BCAT1: variants seen among roughly 807,000 people sequenced by gnomAD.
The protein encoded by BCAT1 is branched chain amino acid transaminase 1, also known as branched-chain-amino-acid aminotransferase, cytosolic.
A neutral mutation model predicts 52.4 loss-of-function variants in BCAT1; 48 were observed. The ratio of observed to expected loss-of-function variants is 0.92; its 90% CI spans 0.73 to 1.16. The LOEUF (loss-of-function observed/expected upper bound fraction) is 1.16, where lower values mean the gene tolerates loss of function less well. Among genes scored for constraint, BCAT1 ranks in the 50% most tolerant of loss-of-function variants. BCAT1 has a pLI of 0.00. For missense variants in BCAT1, 451 were observed against 457.1 expected (o/e 0.99, Z 0.12); for synonymous variants, 167 against 161.3 (o/e 1.04, Z -0.27).
chr12:24,906,684 G>A (rs1016585111), intron 1 of BCAT1, among the ~76,000 whole-genome samples: 12 of 152,104 alleles, frequency 7.9e-5, no homozygotes, highest in Non-Finnish European at 1.5e-4. Flanking sequence ...TTTGAAAAAC[G>A]GGACAGAGCA....
intron 5 of BCAT1, among the ~76,000 whole-genome samples, chr12:24,858,249 G>A (rs1941750499): frequency 6.6e-6 from 1 of 152,144 alleles, no homozygotes. Context: ...TTGTATGTGT[G>A]ATATGCATAG....
At chr12:24,842,592 G>C (rs1565457951) in intron 6 of BCAT1, among the ~76,000 whole-genome samples, 1 of 152,088 alleles carries the variant, frequency 6.6e-6, no homozygotes. Context: ...CCAATACTAT[G>C]AGATAGACAC....
intron 1 of BCAT1, among the ~76,000 whole-genome samples, chr12:24,938,485 C>T (rs926398859): frequency 7.2e-5 from 11 of 151,940 alleles, no homozygotes; most frequent in Admixed American, 6.6e-4. Flanking sequence ...GTGATGGGGA[C>T]AATGTGGAAA....
chr12:24,867,164 G>A lies in BCAT1; in HGVS notation c.510+11366C>T, dbSNP rs888843135. Among the ~76,000 whole-genome samples the A allele has an allele frequency of 4.0e-5, 6 of 151,656 alleles. No homozygotes were observed. In the South Asian group the frequency reaches 8.4e-4, roughly 21 times the overall value. On this transcript the variant is annotated intron_variant, in intron 5 of 10. Transcript: ENST00000261192. The stretch of plus-strand genomic sequence containing the variant: ...AGCCAACGAGACCACGAACCTACCA[G>A]AAGGAAGAAACTCCGAACACATCTG...
At chr12:24,893,457 C>G (rs1424038834) in intron 3 of BCAT1, among the ~76,000 whole-genome samples, 1 of 152,180 alleles carries the variant, frequency 6.6e-6, no homozygotes, top group Admixed American at 6.5e-5. Flanking sequence ...CCCAGGATGT[C>G]TGACTTCAAA....
chr12:24,929,483 G>C (rs1297169796), intron 1 of BCAT1, among the ~76,000 whole-genome samples: 2 of 152,130 alleles, frequency 1.3e-5, no homozygotes, highest in Admixed American at 1.3e-4. Flanking sequence ...CACAGGAGTA[G>C]CTCTGAAAAA....
intron 9 of BCAT1, among the ~76,000 whole-genome samples, chr12:24,830,950 T>C (rs1395487234): frequency 1.3e-5 from 2 of 152,198 alleles, no homozygotes; most frequent in African/African-American, 4.8e-5. Context: ...TCCAATCAGC[T>C]GAGGGAAAAT....
intron 1 of BCAT1, among the ~76,000 whole-genome samples, chr12:24,933,951 CA>C (rs1010767465): frequency 6.6e-6 from 1 of 152,076 alleles, no homozygotes; most frequent in African/African-American, 2.4e-5. Flanking sequence ...TCTTATTATG[CA>C]CATGAATTCT....
intron 1 of BCAT1, chr12:24,902,882 C>A: frequency 6.6e-7 from 1 of 1,511,788 alleles, no homozygotes; most frequent in Middle Eastern, 1.7e-4. Flanking sequence ...CCGGCCAGGC[C>A]CGCGAGCTAC....
rs373929979 is a variant in BCAT1 at position 24,865,976 on chromosome 12, C to T, written c.510+12554G>A. Among the ~76,000 whole-genome samples the T allele has an allele frequency of 3.9e-5, 6 of 152,364 alleles. No individual in the cohort carries two copies. In the East Asian group the frequency reaches 7.7e-4, roughly 20 times the overall value. On this transcript the variant is annotated intron_variant, in intron 5 of 10. Transcript: ENST00000261192. ...TCGGCCTCGGCGCCCATTCTGACCG[C>T]GCTTGAGGAGCCCTTCAGCCTGCCG...
At chr12:24,830,578 A>T (rs1035018934) in intron 9 of BCAT1, 3 of 152,182 alleles carry the variant, frequency 2.0e-5, no homozygotes, top group Non-Finnish European at 4.4e-5. Flanking sequence ...GCTCTCAAAC[A>T]CTTTTCATAT....
chr12:24,817,971 GTAT>G lies in BCAT1; in HGVS notation c.*34_*36del. The G allele has an allele frequency of 6.2e-7, 1 of 1,602,118 alleles. No individual in the cohort carries two copies. Among genetic ancestry groups the G allele is most frequent in the Admixed American group, 1.7e-5 (1 of 59,824 alleles). The stretch of plus-strand genomic sequence containing the variant: ...AGTCTGTCCCAGTAGCATACAGTTG[GTAT>G]CCTCTATTTTCCATTGTATCCTCTA... On this transcript the variant is annotated 3_prime_UTR_variant, in exon 11 of 11. Transcript: ENST00000261192.
At chr12:24,832,660 C>T in intron 9 of BCAT1, 63 bp downstream of exon 9, 1 of 1,484,002 alleles carries the variant, frequency 6.7e-7, no homozygotes, top group Admixed American at 2.3e-5. Context: ...TATTCATACA[C>T]TTAAATTAAA....
chr12:24,831,195 T>C (rs1032705429), intron 9 of BCAT1, among the ~76,000 whole-genome samples: 1 of 152,170 alleles, frequency 6.6e-6, no homozygotes, highest in Non-Finnish European at 1.5e-5. Context: ...GAATAGTAAA[T>C]ATATTTTCCC....
intron 4 of BCAT1, among the ~76,000 whole-genome samples, chr12:24,881,084 C>G (rs1322320604): frequency 6.6e-6 from 1 of 152,204 alleles, no homozygotes; most frequent in Non-Finnish European, 1.5e-5. Context: ...ATCCACCCAC[C>G]TCAGTCTCCC....
chr12:24,914,576 A>C (rs1049428037), intron 1 of BCAT1, among the ~76,000 whole-genome samples: 2 of 152,232 alleles, frequency 1.3e-5, no homozygotes, highest in Admixed American at 1.3e-4. Flanking sequence ...AAAGATTAAC[A>C]TCTGGAGTTG....
At chr12:24,836,889 G>GA (rs1270809513) in intron 7 of BCAT1, among the ~76,000 whole-genome samples, 4 of 62,256 alleles carry the variant, frequency 6.4e-5, no homozygotes, top group African/African-American at 2.8e-4. Flanking sequence ...GAGAAAGAAA[G>GA]AAAGAAAGAA....
In BCAT1 at chr12:24,943,493, G is replaced by GAAAAAAA. The variant is rs4031153; in HGVS notation, c.6+5427_6+5433dup. On this transcript the variant is annotated intron_variant, in intron 1 of 10. Transcript: ENST00000261192. ...AGGTGACAGAATGAGACCCTATCTG[G>GAAAAAAA]AAAAAAAAAAAAAAAAAAAAAAAAA... is the stretch of plus-strand genomic sequence containing the variant. 1.5e-3 allele frequency among the ~76,000 whole-genome samples: 89 copies of GAAAAAAA among 58,544 alleles called. 1 individual carries two copies. The highest frequency in any genetic ancestry group is 0.012 in the East Asian group (19 of 1,640). The allele number at this position is 58,544 out of a possible 152,430, so 38.4% of individuals were successfully genotyped here.
chr12:24,943,941 A>C (rs776039458), intron 1 of BCAT1, among the ~76,000 whole-genome samples: 3 of 151,496 alleles, frequency 2.0e-5, no homozygotes, highest in Non-Finnish European at 4.4e-5. Context: ...CCGAGATCGC[A>C]CCACTGTACT....
Sources: gnomAD v4.1 joint callset for allele counts (sites outside exome capture counted in the v4.1 genomes callset) on GRCh38, gnomAD v4.1.1 for gene constraint, MANE v1.5 for transcripts, NCBI Gene and HGNC (gene_info 2026-07-23, HGNC 2026-07-21) for gene names.